Variants in VAMP7 observed in about 807,000 individuals in gnomAD.
VAMP7 encodes the protein vesicle-associated membrane protein 7.
Under a neutral mutation model 29.6 loss-of-function variants are expected in VAMP7, and 14 were observed. The ratio of observed to expected loss-of-function variants is 0.47; its 90% CI spans 0.31 to 0.74. VAMP7 has a LOEUF of 0.74. Ranked by LOEUF, VAMP7 falls within the 30% of genes least tolerant of loss-of-function variation. VAMP7 has a pLI of 0.05. For synonymous variants in VAMP7, 95 were observed against 88.1 expected (o/e 1.08, Z -0.44); for missense variants, 223 against 262.4 (o/e 0.85, Z 1.04).
At chrX:155,895,183 C>T (rs1423800965) in intron 2 of VAMP7, among the ~76,000 whole-genome samples, 1 of 152,122 alleles carries the variant, frequency 6.6e-6, no homozygotes, top group Non-Finnish European at 1.5e-5. Flanking sequence ...CAGCATCCAG[C>T]ACAGTAACTA....
At position 155,942,608 on chromosome X, in the gene VAMP7, A is replaced by G. The variant is rs1222144128; in HGVS notation, c.*657A>G. 1 of 162,094 alleles carries G rather than the reference A, an allele frequency of 6.2e-6. No individual in the cohort carries two copies. The highest frequency in any genetic ancestry group is 2.4e-5 in the African/African-American group (1 of 41,614). The allele number at this position is 162,094 out of a possible 1,614,324, so 10.0% of individuals were successfully genotyped here. A position where few individuals can be genotyped will look rare whatever the true frequency, so the allele number is the denominator to read the frequency against. Reference sequence around the variant, plus strand: ...GTTCAGTGTGCTGATCATTCACAATACAGTGGATAGCTTGATATCTTCTGT... The same window carrying G: ...GTTCAGTGTGCTGATCATTCACAATGCAGTGGATAGCTTGATATCTTCTGT... On this transcript the variant is annotated 3_prime_UTR_variant, in exon 8 of 8. Coordinates refer to ENST00000286448, the MANE Select transcript of VAMP7 (RefSeq NM_005638.6).
chrX:155,900,566 G>A lies in VAMP7; in HGVS notation c.412G>A (p.Gly138Arg). The change falls in exon 5 of 8, where the codon GGA becomes AGA. Residue 138 changes from glycine (G) to arginine (R), a missense_variant. Transcript: ENST00000286448. ...ETQAQVDELK[G>R]IMVRNIDLVA... The stretch of plus-strand genomic sequence containing the variant: ...TCAAGCCCAAGTGGATGAACTGAAA[G>A]GAATCATGGTCAGAAACATAGGTAT... 6.2e-7 allele frequency: 1 copy of A among 1,609,196 alleles called. No homozygotes were observed. The highest frequency in any genetic ancestry group is 2.2e-5 in the East Asian group (1 of 44,742).
chrX:155,931,621 CA>C (rs2066556854), intron 6 of VAMP7, among the ~76,000 whole-genome samples: 1 of 152,154 alleles, frequency 6.6e-6, no homozygotes, highest in Admixed American at 6.5e-5. Context: ...AGCCCTTTGT[CA>C]GATGAGTAGA....
intron 6 of VAMP7, among the ~76,000 whole-genome samples, chrX:155,933,937 C>G (rs1478171717): frequency 6.6e-6 from 1 of 152,148 alleles, no homozygotes; most frequent in Non-Finnish European, 1.5e-5. Context: ...ATGTTTATTT[C>G]TGCATTCATT....
At chrX:155,903,972 T>C (rs1030654662) in intron 5 of VAMP7, among the ~76,000 whole-genome samples, 50 of 151,912 alleles carry the variant, frequency 3.3e-4, no homozygotes, top group African/African-American at 1.1e-3. Context: ...CCAACAATGA[T>C]AGACTGGATT....
intron 6 of VAMP7, among the ~76,000 whole-genome samples, chrX:155,925,374 C>T (rs1181636323): frequency 6.6e-6 from 1 of 152,118 alleles, no homozygotes; most frequent in Non-Finnish European, 1.5e-5. Flanking sequence ...TGAAATCACT[C>T]CTTGATTCAT....
intron 2 of VAMP7, among the ~76,000 whole-genome samples, chrX:155,893,655 G>A (rs1017814855): frequency 1.3e-5 from 2 of 152,184 alleles, no homozygotes; most frequent in African/African-American, 2.4e-5. Flanking sequence ...GTGTTCTCAG[G>A]TGGTGGAAAG....
At chrX:155,940,041 A>T (rs1444337198) in intron 7 of VAMP7, among the ~76,000 whole-genome samples, 5 of 141,550 alleles carry the variant, frequency 3.5e-5, no homozygotes, top group Non-Finnish European at 7.6e-5. Context: ...CCTCACAGAA[A>T]TGTAGTTATT....
chrX:155,890,793 T>C (rs1344347532), intron 2 of VAMP7, among the ~76,000 whole-genome samples: 2 of 152,242 alleles, frequency 1.3e-5, no homozygotes, highest in Non-Finnish European at 1.5e-5. Context: ...TTTTCTTACT[T>C]AACCCAGCCT....
At chrX:155,912,558 T>C (rs2066253060) in intron 5 of VAMP7, among the ~76,000 whole-genome samples, 1 of 151,828 alleles carries the variant, frequency 6.6e-6, no homozygotes, top group African/African-American at 2.4e-5. Flanking sequence ...CCCCTCCCTG[T>C]GTCCATGTGT....
intron 1 of VAMP7, among the ~76,000 whole-genome samples, chrX:155,884,569 A>AACCTAAGATCAGCCAGATAC (rs1386855787): frequency 3.9e-5 from 6 of 152,248 alleles, no homozygotes; most frequent in Non-Finnish European, 7.3e-5. Flanking sequence ...AGGATGTGCC[A>AACCTAAGATCAGCCAGATAC]ACCTAAGATC....
chrX:155,937,666 T>C (rs775489052), intron 6 of VAMP7, among the ~76,000 whole-genome samples: 1 of 152,244 alleles, frequency 6.6e-6, no homozygotes, highest in Non-Finnish European at 1.5e-5. Context: ...TGCCACATGG[T>C]GGGTAGGTCC....
At chrX:155,913,006 AT>A (rs2124324162) in intron 5 of VAMP7, among the ~76,000 whole-genome samples, 1 of 152,272 alleles carries the variant, frequency 6.6e-6, no homozygotes, top group East Asian at 1.9e-4. Context: ...ATTGCTCCAC[AT>A]CCTCTCCAGC....
intron 1 of VAMP7, among the ~76,000 whole-genome samples, chrX:155,883,021 T>C (rs1378018915): frequency 6.6e-6 from 1 of 152,172 alleles, no homozygotes; most frequent in Non-Finnish European, 1.5e-5. Flanking sequence ...CTTAGATTAT[T>C]CACTTATTAT....
chrX:155,904,255 A>G (rs2066114895), intron 5 of VAMP7, among the ~76,000 whole-genome samples: 1 of 151,214 alleles, frequency 6.6e-6, no homozygotes, highest in African/African-American at 2.4e-5. Context: ...CCTAATGCTA[A>G]ATGACGAGTT....
intron 5 of VAMP7, among the ~76,000 whole-genome samples, chrX:155,914,721 C>G (rs906875955): frequency 3.3e-5 from 5 of 152,088 alleles, no homozygotes; most frequent in Admixed American, 2.0e-4. Flanking sequence ...CTGACCTGAT[C>G]GTGGTGGATA....
rs181689517 is a variant in VAMP7 at position 155,904,778 on chromosome X, C to A, written c.433+4191C>A. ...ATCAATACTTAATTCTTTTTTATGA[C>A]TAATAATTCCAATGCATTAATGCAT... On this transcript the variant is annotated intron_variant, in intron 5 of 7. Coordinates refer to ENST00000286448, the MANE Select transcript of VAMP7 (RefSeq NM_005638.6). 9.3e-3 allele frequency among the ~76,000 whole-genome samples: 1,408 copies of A among 151,796 alleles called. 31 individuals are homozygous for A. The highest frequency in any genetic ancestry group is 0.033 in the African/African-American group (1,347 of 41,416).
chrX:155,913,276 T>C (rs2066264032), intron 5 of VAMP7, among the ~76,000 whole-genome samples: 1 of 152,160 alleles, frequency 6.6e-6, no homozygotes, highest in Non-Finnish European at 1.5e-5. Flanking sequence ...ATATTAGCCC[T>C]TTGTCAGATG....
At chrX:155,908,798 T>TTTGTTG (rs1569441874) in intron 5 of VAMP7, among the ~76,000 whole-genome samples, 1 of 152,072 alleles carries the variant, frequency 6.6e-6, no homozygotes, top group Non-Finnish European at 1.5e-5. Context: ...TGTTTTTGTT[T>TTTGTTG]TTGTTTTTTG....
Sources: gnomAD v4.1 joint callset for allele counts (sites outside exome capture counted in the v4.1 genomes callset) on GRCh38, gnomAD v4.1.1 for gene constraint, MANE v1.5 for transcripts, NCBI Gene and HGNC (gene_info 2026-07-23, HGNC 2026-07-21) for gene names.